Variants in GALNTL6 observed in about 807,000 individuals in gnomAD.
GALNTL6 encodes the protein polypeptide N-acetylgalactosaminyltransferase-like 6.
Under a neutral mutation model 73.7 loss-of-function variants are expected in GALNTL6, and 46 were observed. The observed-to-expected ratio is 0.62, with a 90% CI of 0.49 to 0.80. The LOEUF is 0.80. GALNTL6 is among the 30% of genes least tolerant of loss of function. GALNTL6 has a pLI of 0.00. For missense variants in GALNTL6, 604 were observed against 755.0 expected, an observed-to-expected ratio of 0.80 and a Z score of 2.34; for synonymous variants, 259 against 263.7, an observed-to-expected ratio of 0.98 and a Z score of 0.17.
At chr4:172,609,635 G>C (rs1336352344) in intron 5 of GALNTL6, among the ~76,000 whole-genome samples, 30 of 148,388 alleles carry the variant, frequency 2.0e-4, no homozygotes, top group African/African-American at 4.2e-4. Context: ...CTGTGTGTGT[G>C]TGTGTGTGTG....
At position 172,069,160 on chromosome 4, in the gene GALNTL6, T is replaced by C. The variant is rs1731434609; in HGVS notation, c.139-160496T>C. On this transcript the variant is annotated intron_variant, in intron 2 of 12. Transcript: ENST00000506823. ...GAGGAGAAATCCTTGACAATGTTAT[T>C]GCTAGATAAACTTTTATCCTGAATA... 1.8e-5 allele frequency among the ~76,000 whole-genome samples: 2 copies of C among 109,018 alleles called. 1 individual carries two copies. The highest frequency in any genetic ancestry group is 5.3e-4 in the South Asian group (2 of 3,788). 71.5% of individuals were successfully genotyped at this position (109,018 alleles called of 152,430 possible).
chr4:171,820,778 C>T (rs1315028537), intron 2 of GALNTL6, among the ~76,000 whole-genome samples: 1 of 152,064 alleles, frequency 6.6e-6, no homozygotes, highest in Admixed American at 6.6e-5. Context: ...ATAATTAACA[C>T]AATTGTTCTT....
At chr4:172,414,910 T>C (rs529342073) in intron 5 of GALNTL6, among the ~76,000 whole-genome samples, 23 of 152,342 alleles carry the variant, frequency 1.5e-4, no homozygotes, top group Non-Finnish European at 2.2e-4. Context: ...GAAGGTATTA[T>C]TGAGTCTTGG....
intron 2 of GALNTL6, among the ~76,000 whole-genome samples, chr4:171,957,277 T>C (rs1198031743): frequency 3.3e-5 from 5 of 152,208 alleles, no homozygotes; most frequent in Admixed American, 6.5e-5. Flanking sequence ...TAGCAAAATA[T>C]GCTGCTGCTT....
At chr4:173,023,589 A>C (rs1753106246) in intron 12 of GALNTL6, among the ~76,000 whole-genome samples, 1 of 152,110 alleles carries the variant, frequency 6.6e-6, no homozygotes, top group African/African-American at 2.4e-5. Flanking sequence ...CCTGGGAGGC[A>C]GAAGTTGCAG....
chr4:171,924,183 T>TAC (rs371649848), intron 2 of GALNTL6, among the ~76,000 whole-genome samples: 38,215 of 142,200 alleles, frequency 0.27, 4,803 homozygotes, highest in Middle Eastern at 0.32. Flanking sequence ...ACCACACACA[T>TAC]ACACACACAC....
intron 5 of GALNTL6, among the ~76,000 whole-genome samples, chr4:172,625,260 T>C (rs1739122273): frequency 6.6e-6 from 1 of 152,158 alleles, no homozygotes; most frequent in Non-Finnish European, 1.5e-5. Context: ...TGTCCGTACA[T>C]ACCCAATGTT....
At chr4:172,331,969 C>G (rs774217197) in intron 4 of GALNTL6, among the ~76,000 whole-genome samples, 8 of 152,098 alleles carry the variant, frequency 5.3e-5, no homozygotes, top group African/African-American at 1.9e-4. Context: ...AGTGGCTGCA[C>G]CATTTTTTAT....
intron 5 of GALNTL6, among the ~76,000 whole-genome samples, chr4:172,455,792 C>T (rs1429897227): frequency 6.6e-6 from 1 of 152,194 alleles, no homozygotes; most frequent in Non-Finnish European, 1.5e-5. Context: ...TTAAAAGTTC[C>T]CGCCTGATGG....
intron 11 of GALNTL6, among the ~76,000 whole-genome samples, chr4:173,013,356 A>G (rs1752637939): frequency 6.6e-6 from 1 of 152,306 alleles, no homozygotes; most frequent in South Asian, 2.1e-4. Context: ...CAACCCAACT[A>G]AGAAACACAC....
At chr4:172,348,739 A>C in intron 5 of GALNTL6, 50 bp downstream of exon 5, 3 of 1,260,510 alleles carry the variant, frequency 2.4e-6, no homozygotes, top group Non-Finnish European at 3.3e-6. Flanking sequence ...CATTCACATA[A>C]TCATTAAGGA....
At chr4:172,608,540 G>T (rs976625877) in intron 5 of GALNTL6, among the ~76,000 whole-genome samples, 2 of 152,066 alleles carry the variant, frequency 1.3e-5, no homozygotes, top group African/African-American at 4.8e-5. Flanking sequence ...TAGCTTTATA[G>T]TATAGTTTAA....
At chr4:172,539,087 A>C (rs747807084) in intron 5 of GALNTL6, among the ~76,000 whole-genome samples, 6 of 152,232 alleles carry the variant, frequency 3.9e-5, no homozygotes, top group African/African-American at 7.2e-5. Flanking sequence ...TGTTTTTCCT[A>C]GTTGGAGAAT....
intron 10 of GALNTL6, among the ~76,000 whole-genome samples, chr4:172,977,173 C>T (rs1054516599): frequency 1.3e-5 from 2 of 152,198 alleles, no homozygotes; most frequent in Admixed American, 6.5e-5. Context: ...GAGGCTGTTT[C>T]ACATTATCAG....
intron 5 of GALNTL6, among the ~76,000 whole-genome samples, chr4:172,397,087 T>C (rs1310935305): frequency 1.3e-5 from 2 of 152,154 alleles, no homozygotes; most frequent in Non-Finnish European, 2.9e-5. Context: ...GGAGGCTACC[T>C]AGGTATATAT....
intron 7 of GALNTL6, among the ~76,000 whole-genome samples, chr4:172,848,775 A>G (rs547962788): frequency 1.3e-5 from 2 of 152,314 alleles, no homozygotes; most frequent in East Asian, 3.9e-4. Context: ...AAGTTACTGG[A>G]AATGATAGGG....
chr4:172,739,031 A>G (rs961439159), intron 5 of GALNTL6, among the ~76,000 whole-genome samples: 5 of 152,272 alleles, frequency 3.3e-5, no homozygotes, highest in African/African-American at 1.2e-4. Context: ...TTTCTTATCA[A>G]ACTTAAAGTC....
In GALNTL6 at chr4:172,524,240, C is replaced by CATTT. The variant is rs551492279; in HGVS notation, c.553+175572_553+175575dup. Among the ~76,000 whole-genome samples, 82 of 150,140 alleles carry CATTT rather than the reference C, an allele frequency of 5.5e-4. No individual in the cohort carries two copies. In the East Asian group the frequency reaches 5.9e-3, roughly 11 times the overall value. ...TTTATTTTTATTTTTATTTTTTGCT[C>CATTT]ATTTATTTATTTATTTATTTATTTT... On this transcript the variant is annotated intron_variant, in intron 5 of 12. Transcript: ENST00000506823.
At chr4:171,930,652 T>G (rs977006844) in intron 2 of GALNTL6, among the ~76,000 whole-genome samples, 1 of 151,886 alleles carries the variant, frequency 6.6e-6, no homozygotes, top group Non-Finnish European at 1.5e-5. Context: ...CTGGCAAACA[T>G]AGTAAAACCC....
Sources: allele counts gnomAD v4.1 joint callset (sites outside exome capture counted in the v4.1 genomes callset), GRCh38; gene constraint gnomAD v4.1.1; transcripts MANE v1.5; gene names NCBI Gene and HGNC (gene_info 2026-07-23, HGNC 2026-07-21).